GDF1: variants seen among roughly 807,000 people sequenced by gnomAD.
The protein encoded by GDF1 is embryonic growth/differentiation factor 1.
A neutral mutation model predicts 7.4 loss-of-function variants in GDF1; 8 were observed. The observed-to-expected ratio is 1.09, with a 90% CI of 0.64 to 1.96. The LOEUF (loss-of-function observed/expected upper bound fraction) is 1.96, where lower values mean the gene tolerates loss of function less well. GDF1 is among the 30% of genes most tolerant of loss of function. The pLI, the probability that GDF1 is intolerant of heterozygous loss-of-function variation, is 0.00. For synonymous variants in GDF1, 311 were observed against 276.7 expected (o/e 1.12, Z -1.23); for missense variants, 574 against 551.5 (o/e 1.04, Z -0.41).
intron 7 of GDF1, 134 bp downstream of exon 7, chr19:18,869,849 C>T: frequency 1.2e-6 from 1 of 834,978 alleles, no homozygotes; most frequent in Non-Finnish European, 1.9e-6. Context: ...GGTGCGGTGG[C>T]CGAAGTTGCT....
At chr19:18,881,192 G>A (rs894022895) in intron 3 of GDF1, among the ~76,000 whole-genome samples, 6 of 151,390 alleles carry the variant, frequency 4.0e-5, no homozygotes, top group South Asian at 2.1e-4. Context: ...GGCCTCTGCC[G>A]CAGCCCATCA....
intron 6 of GDF1, among the ~76,000 whole-genome samples, chr19:18,872,361 T>G (rs1425536670): frequency 6.6e-6 from 1 of 152,216 alleles, no homozygotes; most frequent in Non-Finnish European, 1.5e-5. Context: ...GTTTTGTTTT[T>G]TTTTGAGATG....
intron 4 of GDF1, among the ~76,000 whole-genome samples, chr19:18,879,995 C>T (rs2056162542): frequency 6.6e-6 from 1 of 151,402 alleles, no homozygotes; most frequent in South Asian, 2.1e-4. Flanking sequence ...ACCTATCTCA[C>T]CAGGCCCCTC....
chr19:18,874,252 A>G (rs2056023542), intron 6 of GDF1, among the ~76,000 whole-genome samples: 1 of 152,200 alleles, frequency 6.6e-6, no homozygotes, highest in Admixed American at 6.5e-5. Flanking sequence ...AGGAACCCTC[A>G]GGAGAGAAGA....
intron 1 of GDF1, among the ~76,000 whole-genome samples, chr19:18,894,848 T>C (rs1270433775): frequency 6.6e-6 from 1 of 152,060 alleles, no homozygotes; most frequent in Non-Finnish European, 1.5e-5. Flanking sequence ...AAAGGCCCCT[T>C]TGTTGGCGCT....
At chr19:18,874,771 G>A (rs2056032484) in intron 6 of GDF1, among the ~76,000 whole-genome samples, 1 of 152,198 alleles carries the variant, frequency 6.6e-6, no homozygotes, top group Non-Finnish European at 1.5e-5. Flanking sequence ...TCAGGGGAAG[G>A]GGTACAGATG....
rs1432641126 is a variant in GDF1, at chr19:18,879,040, C to T, written c.-422-1G>A. On this transcript the variant is annotated splice_acceptor_variant, in intron 5 of 7. Coordinates refer to ENST00000247005, the MANE Select transcript of GDF1 (RefSeq NM_001492.6). LOFTEE classifies it low-confidence loss of function (5UTR_SPLICE). ...CCTTGGCTGCAAACGCCACGATGTA[C>T]TGCGAGAGGGGAGGGGAGGTGCCAG... is the stretch of plus-strand genomic sequence containing the variant. The T allele has an allele frequency of 6.8e-6, 11 of 1,613,206 alleles. No homozygotes were observed. Among genetic ancestry groups the T allele is most frequent in the Non-Finnish European group, 9.3e-6 (11 of 1,179,808 alleles).
rs758878687 is a variant in GDF1, at chr19:18,869,359, C to T, written c.357G>A (p.Ser119=). The change falls in exon 8 of 8, where the codon TCG becomes TCA. Residue 119 remains serine (S), a synonymous_variant. Transcript: ENST00000247005. ...TCCACTCAGGGCAATGCCCCGCGGC[C>T]GAGGCAGGCTCCGAGGCCCGGGTGG... ...GAPTRASEPA[S]AAGHCPEWTV... 500 of 1,532,044 alleles carry T rather than the reference C, an allele frequency of 3.3e-4. No individual in the cohort carries two copies. The highest frequency in any genetic ancestry group is 3.0e-3 in the Middle Eastern group (13 of 4,376). 94.9% of individuals were successfully genotyped at this position (1,532,044 alleles called of 1,614,324 possible). A position where few individuals can be genotyped will look rare whatever the true frequency, so the allele number is the denominator to read the frequency against.
intron 2 of GDF1, among the ~76,000 whole-genome samples, chr19:18,892,998 C>G (rs190958605): frequency 4.0e-5 from 6 of 151,866 alleles, no homozygotes; most frequent in Non-Finnish European, 8.8e-5. Context: ...CTCACTGCAA[C>G]CTCTGCCTCC....
rs781426705 is a variant in GDF1, at chr19:18,888,519, T to TAAA, written c.-913-4255_-913-4253dup. Among the ~76,000 whole-genome samples the TAAA allele has an allele frequency of 3.2e-3, 190 of 59,048 alleles. 14 individuals are homozygous for TAAA. The highest frequency in any genetic ancestry group is 0.014 in the African/African-American group (180 of 13,248). The allele number at this position is 59,048 out of a possible 152,430, so 38.7% of individuals were successfully genotyped here. On this transcript the variant is annotated intron_variant, in intron 2 of 7. Transcript: ENST00000247005. ...GGCGACAGAGTGAGACCCTGTCTCT[T>TAAA]AAAAAAAAAAAAAAAAAAAAAAAAA...
intron 2 of GDF1, among the ~76,000 whole-genome samples, chr19:18,891,258 C>A (rs911614257): frequency 1.4e-4 from 21 of 152,206 alleles, no homozygotes; most frequent in African/African-American, 4.8e-4. Flanking sequence ...GTGGCACATC[C>A]ACTGTACACT....
intron 3 of GDF1, among the ~76,000 whole-genome samples, chr19:18,883,571 A>G (rs1206301249): frequency 2.0e-5 from 3 of 152,100 alleles, no homozygotes; most frequent in African/African-American, 7.2e-5. Context: ...GGTGGATAAG[A>G]TATTTTCACT....
intron 6 of GDF1, among the ~76,000 whole-genome samples, chr19:18,872,386 C>T (rs891644152): frequency 3.3e-5 from 5 of 152,162 alleles, no homozygotes; most frequent in South Asian, 2.1e-4. Flanking sequence ...CTCGCTCTGT[C>T]GCCCAGGCTG....
At chr19:18,872,852 T>C (rs1253269623) in intron 6 of GDF1, among the ~76,000 whole-genome samples, 2 of 152,188 alleles carry the variant, frequency 1.3e-5, no homozygotes, top group Non-Finnish European at 2.9e-5. Flanking sequence ...TTTCACCACG[T>C]TGGCCAGGTT....
rs762980077 is a variant in GDF1 at position 18,893,455 on chromosome 19, C to T, written c.-953G>A. ...GGTGGGTCATGGAAGAAGGGGTAGT[C>T]GGTGCCAAACAGCAGGTAGGCACTG... On this transcript the variant is annotated 5_prime_UTR_variant, in exon 2 of 8. Coordinates refer to ENST00000247005, the MANE Select transcript of GDF1 (RefSeq NM_001492.6). 5.0e-6 allele frequency: 8 copies of T among 1,606,020 alleles called. No homozygotes were observed. The highest frequency in any genetic ancestry group is 2.2e-5 in the East Asian group (1 of 44,572).
intron 4 of GDF1, 97 bp downstream of exon 4, chr19:18,880,177 C>G: frequency 7.6e-7 from 1 of 1,311,226 alleles, no homozygotes; most frequent in East Asian, 2.6e-5. Flanking sequence ...CCTCACCGGG[C>G]CCCGCCTCCT....
intron 1 of GDF1, 133 bp from the exon 2 acceptor site, chr19:18,893,708 G>T: frequency 2.3e-6 from 2 of 871,194 alleles, no homozygotes; most frequent in Non-Finnish European, 3.5e-6. Context: ...CATGCCCACA[G>T]CCACCTGGAG....
At position 18,870,830 on chromosome 19, in the gene GDF1, C is replaced by T. The variant is rs1051978279; in HGVS notation, c.-312-211G>A. On this transcript the variant is annotated intron_variant, in intron 6 of 7. Transcript: ENST00000247005. This position sits in a 1 kb window ranked among gnomAD's most constrained non-coding sequence, Gnocchi z 5.1. ...CAACCTGCCCCGTAGGCACGTATGT[C>T]CCCCCTGGCACCCTGGCACTTCCTC... Among the ~76,000 whole-genome samples, 1 of 152,016 alleles carries T rather than the reference C, an allele frequency of 6.6e-6. No homozygotes were observed. Among genetic ancestry groups the T allele is most frequent in the African/African-American group, 2.4e-5 (1 of 41,370 alleles).
intron 6 of GDF1, among the ~76,000 whole-genome samples, chr19:18,877,460 C>T (rs1266073771): frequency 6.6e-6 from 1 of 152,202 alleles, no homozygotes; most frequent in Non-Finnish European, 1.5e-5. Flanking sequence ...CTGGAGAATT[C>T]CCGACTCAGG....
Sources: allele counts gnomAD v4.1 joint callset (sites outside exome capture counted in the v4.1 genomes callset), GRCh38; gene constraint gnomAD v4.1.1; non-coding constraint Gnocchi (gnomAD v3.1); transcripts MANE v1.5; gene names NCBI Gene and HGNC (gene_info 2026-07-23, HGNC 2026-07-21).